Variants in SYT17 observed in about 807,000 individuals in gnomAD.
SYT17 encodes synaptotagmin 17, also known as synaptotagmin-17.
SYT17 carries 22 observed loss-of-function variants against 46.7 expected under a neutral mutation model. The observed-to-expected ratio is 0.47, with a 90% CI of 0.34 to 0.67. SYT17 has a LOEUF of 0.67. Among genes scored for constraint, SYT17 ranks in the 30% least tolerant of loss-of-function variants. SYT17 has a pLI of 0.01. For synonymous variants in SYT17, 251 were observed against 248.4 expected, an observed-to-expected ratio of 1.01 and a Z score of -0.10; for missense variants, 519 against 612.8, an observed-to-expected ratio of 0.85 and a Z score of 1.62.
intron 7 of SYT17, among the ~76,000 whole-genome samples, chr16:19,240,399 C>A (rs1039572843): frequency 8.5e-5 from 13 of 152,164 alleles, no homozygotes; most frequent in Non-Finnish European, 1.2e-4. Flanking sequence ...CAGCTCTCAG[C>A]AGAGAGGGTA....
chr16:19,204,843 C>T (rs908871623), intron 5 of SYT17, among the ~76,000 whole-genome samples: 6 of 152,170 alleles, frequency 3.9e-5, no homozygotes, highest in South Asian at 2.1e-4. Context: ...GGCTGGCTCA[C>T]GTCTCACTCC....
At chr16:19,190,252 T>C (rs1964959287) in intron 5 of SYT17, among the ~76,000 whole-genome samples, 1 of 152,104 alleles carries the variant, frequency 6.6e-6, no homozygotes, top group Non-Finnish European at 1.5e-5. Flanking sequence ...GCACCTATAA[T>C]CCCAGCTACT....
intron 5 of SYT17, among the ~76,000 whole-genome samples, chr16:19,222,653 C>T (rs1042008879): frequency 6.6e-6 from 1 of 152,192 alleles, no homozygotes; most frequent in Non-Finnish European, 1.5e-5. Context: ...CACTTTCTTG[C>T]TGTGGCTTTG....
At chr16:19,205,427 G>A (rs567767795) in intron 5 of SYT17, among the ~76,000 whole-genome samples, 1 of 144,664 alleles carries the variant, frequency 6.9e-6, no homozygotes, top group East Asian at 2.0e-4. Context: ...TCTCAGAGAG[G>A]CCTTCCTTGA....
At chr16:19,235,486 A>C (rs1233004152) in intron 7 of SYT17, among the ~76,000 whole-genome samples, 5 of 152,226 alleles carry the variant, frequency 3.3e-5, no homozygotes, top group African/African-American at 1.2e-4. Flanking sequence ...GGATTTAAGC[A>C]AGACCTAGAG....
chr16:19,243,755 T>C (rs1350141173), intron 7 of SYT17, among the ~76,000 whole-genome samples: 1 of 143,246 alleles, frequency 7.0e-6, no homozygotes, highest in Admixed American at 7.6e-5. Flanking sequence ...GAGGCAGAGG[T>C]TGTGGTGAGC....
chr16:19,205,964 A>G (rs966850575), intron 5 of SYT17, among the ~76,000 whole-genome samples: 1 of 152,310 alleles, frequency 6.6e-6, no homozygotes, highest in African/African-American at 2.4e-5. Context: ...CTAGTGGTAC[A>G]TAATACATGT....
intron 2 of SYT17, 165 bp downstream of exon 2, chr16:19,172,942 T>A: frequency 1.2e-6 from 1 of 846,906 alleles, no homozygotes; most frequent in Non-Finnish European, 1.8e-6. Context: ...AGATCCCGGT[T>A]TTGAAAAGAC....
At chr16:19,180,594 C>T in intron 4 of SYT17, 55 bp downstream of exon 4, 1 of 1,606,012 alleles carries the variant, frequency 6.2e-7, no homozygotes, top group South Asian at 1.1e-5. Context: ...CCCAGACACT[C>T]TCCCACGGAG....
intron 7 of SYT17, among the ~76,000 whole-genome samples, chr16:19,253,859 C>A (rs909391082): frequency 2.6e-5 from 4 of 152,064 alleles, no homozygotes; most frequent in African/African-American, 9.7e-5. Flanking sequence ...TCCCGAGTAA[C>A]TAGGATTACA....
intron 5 of SYT17, among the ~76,000 whole-genome samples, chr16:19,190,979 C>T (rs1255593200): frequency 6.6e-6 from 1 of 151,740 alleles, no homozygotes. Context: ...TAAAAATATC[C>T]ACGATGTAGG....
intron 3 of SYT17, chr16:19,180,184 A>C: frequency 5.5e-6 from 3 of 550,294 alleles, no homozygotes; most frequent in Non-Finnish European, 3.3e-6. Flanking sequence ...AAATTGGGGA[A>C]TATTTCTTCA....
intron 3 of SYT17, among the ~76,000 whole-genome samples, chr16:19,178,951 T>C (rs920432197): frequency 6.6e-6 from 1 of 151,758 alleles, no homozygotes; most frequent in East Asian, 1.9e-4. Context: ...TCCCAGCTAC[T>C]CAAGAGGCTG....
At chr16:19,212,635 A>G (rs1319843923) in intron 5 of SYT17, among the ~76,000 whole-genome samples, 1 of 152,056 alleles carries the variant, frequency 6.6e-6, no homozygotes, top group Non-Finnish European at 1.5e-5. Flanking sequence ...AAATAAATAA[A>G]TAAGAAATAA....
At chr16:19,224,428 T>G (rs1456029380) in intron 6 of SYT17, among the ~76,000 whole-genome samples, 1 of 151,940 alleles carries the variant, frequency 6.6e-6, no homozygotes, top group Non-Finnish European at 1.5e-5. Context: ...AGAAATTGGA[T>G]GGATAGAAAA....
rs1170597070 is a variant in SYT17 at position 19,235,110 on chromosome 16, G to A, written c.1228+10272G>A. Reference sequence around the variant, plus strand: ...GATCAGTCATGGGAAGTGAGCTGCAGAGCGAAGGGATTAAAGCCAGAGGAC... The same window carrying A: ...GATCAGTCATGGGAAGTGAGCTGCAAAGCGAAGGGATTAAAGCCAGAGGAC... On this transcript the variant is annotated intron_variant, in intron 7 of 7. Transcript: ENST00000355377. Among the ~76,000 whole-genome samples the A allele has an allele frequency of 2.0e-5, 3 of 152,328 alleles. No homozygotes were observed. In the East Asian group the frequency reaches 5.8e-4, roughly 29 times the overall value.
chr16:19,175,987 G>A (rs1447362581), intron 3 of SYT17, among the ~76,000 whole-genome samples: 1 of 152,150 alleles, frequency 6.6e-6, no homozygotes, highest in East Asian at 1.9e-4. Context: ...AGGTAAGGCA[G>A]GTATGTAAGT....
intron 7 of SYT17, among the ~76,000 whole-genome samples, chr16:19,234,622 A>G (rs993038024): frequency 2.0e-5 from 3 of 152,154 alleles, no homozygotes; most frequent in East Asian, 1.9e-4. Flanking sequence ...AATTACACAG[A>G]CTTGAGTTTG....
chr16:19,262,115 T>G (rs572828859), intron 7 of SYT17, among the ~76,000 whole-genome samples: 14 of 151,734 alleles, frequency 9.2e-5, no homozygotes, highest in Non-Finnish European at 1.2e-4. Context: ...AAAACTGTTA[T>G]TCTCATGGTT....
Sources: allele counts gnomAD v4.1 joint callset (sites outside exome capture counted in the v4.1 genomes callset), GRCh38; gene constraint gnomAD v4.1.1; transcripts MANE v1.5; gene names NCBI Gene and HGNC (gene_info 2026-07-23, HGNC 2026-07-21).